Variants in PLAC1 observed in about 807,000 individuals in gnomAD.
PLAC1 encodes placenta associated 1.
For missense variants in PLAC1, 136 were observed against 163.2 expected (o/e 0.83, Z 0.91); for synonymous variants, 68 against 62.1 (o/e 1.09, Z -0.44).
intron 2 of PLAC1, among the ~76,000 whole-genome samples, chrX:134,677,914 T>G (rs1162861782): frequency 2.7e-5 from 3 of 110,930 alleles, no homozygotes; most frequent in African/African-American, 9.8e-5. Flanking sequence ...ATGGAGGTGA[T>G]GAGAAATGGT....
intron 1 of PLAC1, among the ~76,000 whole-genome samples, chrX:134,643,499 C>G (rs113196476): frequency 0.013 from 1,431 of 111,581 alleles, 23 homozygotes; most frequent in African/African-American, 0.044. Flanking sequence ...AAATTATTAC[C>G]AAATCAAATC....
intron 2 of PLAC1, among the ~76,000 whole-genome samples, chrX:134,692,438 A>G (rs1407244057): frequency 2.7e-5 from 3 of 111,701 alleles, no homozygotes; most frequent in Admixed American, 1.9e-4. Flanking sequence ...TTTCCTGGTA[A>G]GGACACTAGT....
In PLAC1 at chrX:134,704,607, A is replaced by C. The variant is rs189451727; in HGVS notation, n.174+28828T>G. Among the ~76,000 whole-genome samples the C allele has an allele frequency of 7.3e-3, 772 of 106,398 alleles. 5 individuals are homozygous for C. The highest frequency in any genetic ancestry group is 0.024 in the African/African-American group (725 of 29,614). 92.4% of individuals were successfully genotyped at this position (106,398 alleles called of 115,157 possible). On this transcript the variant is annotated intron_variant and non_coding_transcript_variant, in intron 2 of 2. Transcript: ENST00000466797. ...AACAGAAATCACAATAATTACAAACATATTAAAGTATTCTACTTTAATATA... is the reference window on the plus strand; with the variant it reads ...AACAGAAATCACAATAATTACAAACCTATTAAAGTATTCTACTTTAATATA...
chrX:134,582,611 T>G (rs1435583138), intron 2 of PLAC1, among the ~76,000 whole-genome samples: 1 of 112,055 alleles, frequency 8.9e-6, no homozygotes, highest in Non-Finnish European at 1.9e-5. Flanking sequence ...GACTGAAAAC[T>G]TGGTGTTAGT....
intron 1 of PLAC1, among the ~76,000 whole-genome samples, chrX:134,741,728 A>T (rs1313614145): frequency 9.3e-6 from 1 of 108,106 alleles, no homozygotes; most frequent in Non-Finnish European, 1.9e-5. Flanking sequence ...AAAAGAACAC[A>T]CTTGGCAGCC....
intron 1 of PLAC1, among the ~76,000 whole-genome samples, chrX:134,629,123 A>T (rs2078248980): frequency 8.9e-6 from 1 of 111,814 alleles, no homozygotes; most frequent in Admixed American, 9.5e-5. Flanking sequence ...TACATTGAGA[A>T]AACCCCTGCA....
intron 1 of PLAC1, among the ~76,000 whole-genome samples, chrX:134,649,193 G>GGGA (rs111774447): frequency 0.011 from 1,208 of 105,682 alleles, 21 homozygotes; most frequent in African/African-American, 0.04. Flanking sequence ...ACTTGAACCT[G>GGGA]GGTGGAGGTT....
chrX:134,738,203 A>G lies in PLAC1; in HGVS notation n.90-4684T>C, dbSNP rs534195255. 3.7e-4 allele frequency among the ~76,000 whole-genome samples: 42 copies of G among 112,030 alleles called. No homozygotes were observed. The South Asian group carries it at 0.012, about 31-fold the overall frequency. ...AAGAAAATAAAAAGGAGAAAGGTCA[A>G]TTATTGTTGGAAGGTGGCGTGTTAA... On this transcript the variant is annotated intron_variant and non_coding_transcript_variant, in intron 1 of 2. Coordinates refer to the PLAC1 transcript ENST00000466797.
At chrX:134,715,511 C>T (rs1162321072) in intron 2 of PLAC1, among the ~76,000 whole-genome samples, 6 of 108,278 alleles carry the variant, frequency 5.5e-5, no homozygotes, top group Middle Eastern at 9.3e-3. Flanking sequence ...CTATTCAAAC[C>T]GAGCAGAGAG....
At chrX:134,602,228 A>G (rs2078092253) in intron 1 of PLAC1, 106 bp from the exon 2 acceptor site, 1 of 112,328 alleles carries the variant, frequency 8.9e-6, no homozygotes, top group Admixed American at 9.5e-5. Flanking sequence ...CAGAAAGTAC[A>G]TGCGTATCTT....
intron 1 of PLAC1, chrX:134,604,497 T>A (rs765458650): frequency 8.9e-6 from 1 of 111,831 alleles, no homozygotes; most frequent in Non-Finnish European, 1.9e-5. Context: ...GCTTGTGGCA[T>A]GATTCACTGA....
chrX:134,716,866 C>T (rs1283918470), intron 2 of PLAC1, among the ~76,000 whole-genome samples: 1 of 112,577 alleles, frequency 8.9e-6, no homozygotes, highest in African/African-American at 3.2e-5. Flanking sequence ...TACTTACCTT[C>T]CCTTGGCCTT....
chrX:134,643,177 A>G (rs1346713750), intron 1 of PLAC1, among the ~76,000 whole-genome samples: 1 of 111,997 alleles, frequency 8.9e-6, no homozygotes, highest in East Asian at 2.8e-4. Context: ...TAGATGAAAT[A>G]GACAATTTTC....
At chrX:134,576,342 G>A (rs1188949955) in intron 2 of PLAC1, among the ~76,000 whole-genome samples, 2 of 109,383 alleles carry the variant, frequency 1.8e-5, no homozygotes, top group Non-Finnish European at 3.8e-5. Context: ...TTCGAGACCA[G>A]CCTGGCCAAT....
At chrX:134,575,899 T>A (rs2077936485) in intron 2 of PLAC1, among the ~76,000 whole-genome samples, 1 of 109,623 alleles carries the variant, frequency 9.1e-6, no homozygotes, top group African/African-American at 3.3e-5. Context: ...CATAATATTT[T>A]AAAATACACC....
At chrX:134,752,756 G>C (rs2078747661) in intron 1 of PLAC1, among the ~76,000 whole-genome samples, 1 of 111,828 alleles carries the variant, frequency 8.9e-6, no homozygotes, top group Non-Finnish European at 1.9e-5. Flanking sequence ...GTCACACTAA[G>C]AGCACTGGGA....
chrX:134,595,877 A>G (rs1198954560), intron 2 of PLAC1, among the ~76,000 whole-genome samples: 3 of 109,981 alleles, frequency 2.7e-5, no homozygotes, highest in Non-Finnish European at 5.7e-5. Flanking sequence ...GTAATTGGTG[A>G]TATGTTAGGA....
rs146898538 is a variant in PLAC1, at chrX:134,730,399, C to T, written n.174+3036G>A. On this transcript the variant is annotated intron_variant and non_coding_transcript_variant, in intron 2 of 2. Coordinates refer to the PLAC1 transcript ENST00000466797. The stretch of plus-strand genomic sequence containing the variant: ...TGAAATCCCTAGAGTTGTCTATTTA[C>T]CACAGAATTCATTCATACTCAATAG... 3.7e-3 allele frequency among the ~76,000 whole-genome samples: 412 copies of T among 111,508 alleles called. No homozygotes were observed. The Middle Eastern group carries it at 0.046, about 12-fold the overall frequency.
intron 1 of PLAC1, among the ~76,000 whole-genome samples, chrX:134,757,321 G>A (rs143354581): frequency 0.019 from 2,117 of 113,169 alleles, 45 homozygotes; most frequent in African/African-American, 0.063. Context: ...ACCTCCTGAC[G>A]TGAGGCAATG....
Sources: allele counts gnomAD v4.1 joint callset (sites outside exome capture counted in the v4.1 genomes callset), GRCh38; gene constraint gnomAD v4.1.1; transcripts MANE v1.5; gene names NCBI Gene and HGNC (gene_info 2026-07-23, HGNC 2026-07-21).